ZNF277: variants seen among roughly 807,000 people sequenced by gnomAD.
The protein encoded by ZNF277 is zinc finger protein 277.
ZNF277 carries 55 observed loss-of-function variants against 60.7 expected under a neutral mutation model. The ratio of observed to expected loss-of-function variants is 0.91; its 90% CI spans 0.73 to 1.13. The LOEUF is 1.13. Among genes scored for constraint, ZNF277 ranks in the 50% most tolerant of loss-of-function variants. The probability of loss-of-function intolerance (pLI) is 0.00; values close to 1 mark genes in which losing one functional copy is unlikely to be tolerated. For synonymous variants in ZNF277, 178 were observed against 179.3 expected (o/e 0.99, Z 0.06); for missense variants, 510 against 523.0 (o/e 0.98, Z 0.24).
At chr7:112,254,359 T>C (rs1791260536) in intron 1 of ZNF277, among the ~76,000 whole-genome samples, 1 of 152,176 alleles carries the variant, frequency 6.6e-6, no homozygotes, top group South Asian at 2.1e-4. Context: ...TGGAGCCCAA[T>C]ACTCTGTTTA....
At chr7:112,238,207 C>G (rs1790853127) in intron 1 of ZNF277, among the ~76,000 whole-genome samples, 1 of 152,222 alleles carries the variant, frequency 6.6e-6, no homozygotes, top group South Asian at 2.1e-4. Flanking sequence ...CTCTCCCCAT[C>G]TCTCAGCAGT....
chr7:112,270,065 A>G (rs2117036867), intron 1 of ZNF277, among the ~76,000 whole-genome samples: 1 of 152,212 alleles, frequency 6.6e-6, no homozygotes, highest in Non-Finnish European at 1.5e-5. Flanking sequence ...TAACATGGTT[A>G]AGTCTCCACT....
intron 4 of ZNF277, among the ~76,000 whole-genome samples, chr7:112,305,629 T>C (rs1217614281): frequency 1.3e-5 from 2 of 152,094 alleles, no homozygotes; most frequent in Admixed American, 6.6e-5. Flanking sequence ...TAAATTTGTT[T>C]TAACTGATTG....
chr7:112,223,916 G>A (rs1335938708), intron 1 of ZNF277, among the ~76,000 whole-genome samples: 2 of 152,218 alleles, frequency 1.3e-5, no homozygotes, highest in African/African-American at 2.4e-5. Flanking sequence ...GAGCATAGCT[G>A]ACTCCTGTAA....
chr7:112,336,511 G>A (rs1343251447), intron 8 of ZNF277, among the ~76,000 whole-genome samples: 2 of 152,178 alleles, frequency 1.3e-5, no homozygotes. Flanking sequence ...TGCTGTCATT[G>A]GAATAGAGAA....
intron 1 of ZNF277, among the ~76,000 whole-genome samples, chr7:112,268,253 C>A (rs149742754): frequency 1.3e-3 from 196 of 151,146 alleles, no homozygotes; most frequent in African/African-American, 4.5e-3. Flanking sequence ...TGCATGCACA[C>A]ACACGCACAC....
intron 4 of ZNF277, among the ~76,000 whole-genome samples, chr7:112,303,532 G>C (rs2042561705): frequency 6.6e-6 from 1 of 151,976 alleles, no homozygotes; most frequent in African/African-American, 2.4e-5. Flanking sequence ...ATGCCATGCT[G>C]ATAGCTTTCT....
At chr7:112,254,605 A>G (rs1791268442) in intron 1 of ZNF277, among the ~76,000 whole-genome samples, 1 of 152,242 alleles carries the variant, frequency 6.6e-6, no homozygotes, top group Admixed American at 6.5e-5. Context: ...GCATTACACA[A>G]TGTCAGATTA....
rs559303555 is a variant in ZNF277, at chr7:112,322,313, A to G, written c.557+4040A>G. On this transcript the variant is annotated intron_variant, in intron 5 of 11. Transcript: ENST00000361822. ...GCTCTCCTTTTGGAGCATATTATAC[A>G]TATGTTGGTAAACTTGATCTCTGTA... Among the ~76,000 whole-genome samples, 5 of 151,896 alleles carry G rather than the reference A, an allele frequency of 3.3e-5. No homozygotes were observed. In the East Asian group the frequency reaches 7.7e-4, roughly 24 times the overall value.
intron 1 of ZNF277, among the ~76,000 whole-genome samples, chr7:112,220,855 G>T (rs1420230016): frequency 1.3e-5 from 2 of 152,146 alleles, no homozygotes; most frequent in Non-Finnish European, 1.5e-5. Flanking sequence ...AGAGCATAGG[G>T]GGAGGGACAA....
intron 1 of ZNF277, among the ~76,000 whole-genome samples, chr7:112,264,397 TA>T (rs1791500252): frequency 6.6e-6 from 1 of 152,110 alleles, no homozygotes. Flanking sequence ...AATTATCATT[TA>T]AAAATGGCAA....
intron 1 of ZNF277, among the ~76,000 whole-genome samples, chr7:112,225,658 C>A (rs923043762): frequency 6.6e-6 from 1 of 151,988 alleles, no homozygotes; most frequent in Non-Finnish European, 1.5e-5. Flanking sequence ...GTTCTTGGAG[C>A]CTAAATGAAT....
intron 9 of ZNF277, among the ~76,000 whole-genome samples, chr7:112,339,079 T>C (rs1793390723): frequency 6.6e-6 from 1 of 152,190 alleles, no homozygotes; most frequent in Non-Finnish European, 1.5e-5. Context: ...AGCTTTGAGG[T>C]TTAAACAGTG....
chr7:112,233,472 A>C (rs1037042423), intron 1 of ZNF277, among the ~76,000 whole-genome samples: 1 of 152,224 alleles, frequency 6.6e-6, no homozygotes, highest in Non-Finnish European at 1.5e-5. Flanking sequence ...TACTTTTAGC[A>C]TATAAGTGAA....
intron 1 of ZNF277, among the ~76,000 whole-genome samples, chr7:112,261,140 C>T (rs1442753118): frequency 6.6e-6 from 1 of 152,204 alleles, no homozygotes; most frequent in African/African-American, 2.4e-5. Context: ...AGTTCATAAA[C>T]TCTATAGATC....
intron 4 of ZNF277, among the ~76,000 whole-genome samples, chr7:112,304,083 G>C (rs10264797): frequency 0.059 from 8,995 of 152,078 alleles, 720 homozygotes; most frequent in African/African-American, 0.18. Context: ...CATTGATATG[G>C]ATGGCTTTTC....
At chr7:112,217,921 G>A (rs965852393) in intron 1 of ZNF277, among the ~76,000 whole-genome samples, 2 of 152,022 alleles carry the variant, frequency 1.3e-5, no homozygotes, top group East Asian at 3.9e-4. Flanking sequence ...CCGCCACCCA[G>A]AAACTGACTT....
At chr7:112,211,331 C>T (rs1273662087) in intron 1 of ZNF277, among the ~76,000 whole-genome samples, 1 of 152,202 alleles carries the variant, frequency 6.6e-6, no homozygotes, top group Non-Finnish European at 1.5e-5. Context: ...TATTTTTCTG[C>T]GCCTGTAGTA....
At chr7:112,268,976 A>G (rs1791606567) in intron 1 of ZNF277, among the ~76,000 whole-genome samples, 1 of 152,132 alleles carries the variant, frequency 6.6e-6, no homozygotes, top group Non-Finnish European at 1.5e-5. Context: ...TGTAAGCTAA[A>G]CAACTACTTA....
Sources: allele counts gnomAD v4.1 joint callset (sites outside exome capture counted in the v4.1 genomes callset), GRCh38; gene constraint gnomAD v4.1.1; transcripts MANE v1.5; gene names NCBI Gene and HGNC (gene_info 2026-07-23, HGNC 2026-07-21).